MTIF2: variants seen among roughly 807,000 people sequenced by gnomAD.
MTIF2 encodes the protein mitochondrial translational initiation factor 2.
A neutral mutation model predicts 83.5 loss-of-function variants in MTIF2; 71 were observed. The observed-to-expected ratio is 0.85, with a 90% CI of 0.70 to 1.04. MTIF2 has a LOEUF of 1.04. MTIF2 is among the 50% of genes least tolerant of loss of function. The pLI is 0.00. For missense variants in MTIF2, 957 were observed against 846.5 expected (o/e 1.13, Z -1.62); for synonymous variants, 319 against 287.1 (o/e 1.11, Z -1.12).
rs1182489795 is a variant in MTIF2 at position 55,247,604 on chromosome 2, A to T, written c.982-1143T>A. On this transcript the variant is annotated intron_variant, in intron 9 of 15. Coordinates refer to ENST00000263629, the MANE Select transcript of MTIF2 (RefSeq NM_002453.3). ...ACTGTAAAACAAAACAAAACAAAAC[A>T]AAAAAATTGACTAAATACTTTGCTT... Among the ~76,000 whole-genome samples, 5 of 152,224 alleles carry T rather than the reference A, an allele frequency of 3.3e-5. 1 individual carries two copies. The highest frequency in any genetic ancestry group is 1.2e-4 in the African/African-American group (5 of 41,544).
rs990971435 is a variant in MTIF2 at position 55,268,035 on chromosome 2, C to G, written c.-74-400G>C. On this transcript the variant is annotated intron_variant, in intron 2 of 15. Transcript: ENST00000263629. ...TGGGAGGTCGAGGCGGGCGGATCAC[C>G]TGAGGTCAGGAGTTCGAGACCAGCC... is the stretch of plus-strand genomic sequence containing the variant. 4.6e-5 allele frequency among the ~76,000 whole-genome samples: 7 copies of G among 152,180 alleles called. No individual in the cohort carries two copies. In the South Asian group the frequency reaches 1.5e-3, roughly 32 times the overall value.
intron 1 of MTIF2, 33 bp from the exon 2 acceptor site, chr2:55,268,772 G>A (rs938746330): frequency 1.3e-5 from 2 of 152,228 alleles, no homozygotes; most frequent in Non-Finnish European, 2.9e-5. Flanking sequence ...ACGTAGTTGC[G>A]TTAGGGAAAA....
At chr2:55,239,976 C>T (rs1180891036) in intron 14 of MTIF2, 35 bp downstream of exon 14, 1 of 1,574,786 alleles carries the variant, frequency 6.4e-7, no homozygotes, top group East Asian at 2.3e-5. Flanking sequence ...ACCTAATATA[C>T]TAATTTTTAA....
At chr2:55,259,591 T>C (rs920409234) in intron 5 of MTIF2, among the ~76,000 whole-genome samples, 3 of 152,206 alleles carry the variant, frequency 2.0e-5, no homozygotes, top group Non-Finnish European at 4.4e-5. Flanking sequence ...CACTGACTTA[T>C]GCATACATTT....
chr2:55,247,622 C>T (rs1468425563), intron 9 of MTIF2, among the ~76,000 whole-genome samples: 3 of 152,160 alleles, frequency 2.0e-5, no homozygotes, highest in Non-Finnish European at 2.9e-5. Context: ...TGACTAAATA[C>T]TTTGCTTACC....
chr2:55,254,504 TAC>T, intron 6 of MTIF2, 148 bp downstream of exon 6: 4 of 712,208 alleles, frequency 5.6e-6, no homozygotes, highest in Non-Finnish European at 8.7e-6. Flanking sequence ...GAATGTATAA[TAC>T]ACTTTCTAAT....
Position 55,268,558 on chromosome 2 carries a change from G to A in MTIF2, c.-75+20C>T, listed in dbSNP as rs1288122000. The A allele has an allele frequency of 1.3e-5, 2 of 152,014 alleles. No homozygotes were observed. The highest frequency in any genetic ancestry group is 2.9e-5 in the Non-Finnish European group (2 of 68,046). The allele number at this position is 152,014 out of a possible 1,614,324, so 9.4% of individuals were successfully genotyped here. ...GGCAATAACCCAAATGTCAAAACTG[G>A]AAGGAAACTTGTCACTTACTCCAAG... On this transcript the variant is annotated intron_variant, in intron 2 of 15. Transcript: ENST00000263629.
chr2:55,267,385 C>G (rs941031169), intron 3 of MTIF2, among the ~76,000 whole-genome samples, 184 bp downstream of exon 3: 3 of 152,110 alleles, frequency 2.0e-5, no homozygotes, highest in Non-Finnish European at 4.4e-5. Flanking sequence ...TCTTGAACTC[C>G]TGACCTCAGG....
chr2:55,242,786 G>A (rs1461637824), intron 13 of MTIF2, among the ~76,000 whole-genome samples, 154 bp downstream of exon 13: 1 of 152,190 alleles, frequency 6.6e-6, no homozygotes, highest in Non-Finnish European at 1.5e-5. Context: ...ATCCTATTAA[G>A]TTTCAATTGC....
intron 14 of MTIF2, 72 bp downstream of exon 14, chr2:55,239,939 G>T: frequency 7.5e-7 from 1 of 1,339,750 alleles, no homozygotes; most frequent in Non-Finnish European, 1.0e-6. Context: ...TTTCCTCTAA[G>T]CTTTGCTTTG....
intron 3 of MTIF2, among the ~76,000 whole-genome samples, chr2:55,264,665 A>G (rs1678295439): frequency 6.6e-6 from 1 of 152,170 alleles, no homozygotes; most frequent in African/African-American, 2.4e-5. Context: ...TCTAGTTGGA[A>G]TCGTCTTTGA....
rs1377893894 is a variant in MTIF2, at chr2:55,259,435, A to G, written c.331+2881T>C. On this transcript the variant is annotated intron_variant, in intron 5 of 15. Transcript: ENST00000263629. ...ACTAAATTTGTATTTTAATCATTCT[A>G]TTTATTAGTCATAATAAAGAATTAT... Among the ~76,000 whole-genome samples, 3 of 151,658 alleles carry G rather than the reference A, an allele frequency of 2.0e-5. No individual in the cohort carries two copies. The East Asian group carries it at 5.8e-4, about 29-fold the overall frequency.
Position 55,249,529 on chromosome 2 carries a change from T to C in MTIF2, c.847A>G (p.Ile283Val), listed in dbSNP as rs2104369977. The part of the protein sequence containing the change: ...IQHAKDAQVP[I>V]ILAVNKCDKA... The stretch of plus-strand genomic sequence containing the variant: ...TCACATTTATTTACGGCAAGGATAA[T>C]AGGAACTGAAAGAAATGGAGTTAAA... The change falls in exon 9 of 16, where the codon ATT (isoleucine) becomes GTT (valine). Residue 283 changes from isoleucine (I) to valine (V), a missense_variant. By Grantham distance (29) the Ile-to-Val change is conservative (BLOSUM62 3). Around this residue, in one of 3 missense-constraint regions of MTIF2, gnomAD observed 733 missense variants for 648.7 expected, o/e 1.13. Coordinates refer to ENST00000263629, the MANE Select transcript of MTIF2 (RefSeq NM_002453.3). The C allele has an allele frequency of 6.2e-7, 1 of 1,613,536 alleles. No homozygotes were observed. The highest frequency in any genetic ancestry group is 1.1e-5 in the South Asian group (1 of 90,928).
At chr2:55,260,256 G>A (rs769130838) in intron 5 of MTIF2, among the ~76,000 whole-genome samples, 49 of 151,918 alleles carry the variant, frequency 3.2e-4, no homozygotes, top group Non-Finnish European at 5.0e-4. Context: ...AAAATTAGCC[G>A]GGCGTGGTGG....
intron 5 of MTIF2, among the ~76,000 whole-genome samples, chr2:55,260,878 C>T (rs1390844051): frequency 6.6e-6 from 1 of 151,908 alleles, no homozygotes; most frequent in Non-Finnish European, 1.5e-5. Flanking sequence ...TTTCAAAAAT[C>T]CTAAATTGGT....
chr2:55,240,007 T>A lies in MTIF2; in HGVS notation c.1870+4A>T. On this transcript the variant is annotated splice_donor_region_variant and intron_variant, in intron 14 of 15. Transcript: ENST00000263629. ...TTTAAAAGTAACATTCAGTGATCAC[T>A]CACCTACTGGGTGCTCTTCCACAGC... 1 of 1,598,772 alleles carries A rather than the reference T, an allele frequency of 6.3e-7. No individual in the cohort carries two copies. Among genetic ancestry groups the A allele is most frequent in the Non-Finnish European group, 8.5e-7 (1 of 1,170,296 alleles).
chr2:55,252,377 A>C, intron 8 of MTIF2, 100 bp downstream of exon 8: 1 of 1,015,398 alleles, frequency 9.8e-7, no homozygotes, highest in Non-Finnish European at 1.5e-6. Context: ...ATACACGTAT[A>C]ATAACTCTGG....
At chr2:55,267,399 T>C (rs558864909) in intron 3 of MTIF2, among the ~76,000 whole-genome samples, 170 bp downstream of exon 3, 1 of 152,088 alleles carries the variant, frequency 6.6e-6, no homozygotes, top group Non-Finnish European at 1.5e-5. Flanking sequence ...CCTCAGGTGA[T>C]CTATCCGCCT....
intron 5 of MTIF2, among the ~76,000 whole-genome samples, chr2:55,262,024 A>T (rs1678041908): frequency 6.6e-6 from 1 of 152,084 alleles, no homozygotes; most frequent in Non-Finnish European, 1.5e-5. Flanking sequence ...TCAGTCTAAA[A>T]ACATTCTTTG....
Sources: allele counts gnomAD v4.1 joint callset (sites outside exome capture counted in the v4.1 genomes callset), GRCh38; gene constraint gnomAD v4.1.1; regional missense constraint gnomAD v4.1.1; transcripts MANE v1.5; gene names NCBI Gene and HGNC (gene_info 2026-07-23, HGNC 2026-07-21).